The following FAM20C variants were observed in gnomAD, a reference collection of about 807,000 sequenced individuals.
FAM20C encodes extracellular serine/threonine protein kinase FAM20C.
In FAM20C, 40 loss-of-function variants were observed where a neutral mutation model predicts 51.5. The observed-to-expected ratio is 0.78, with a 90% CI of 0.60 to 1.01. FAM20C has a LOEUF of 1.01. Among genes scored for constraint, FAM20C ranks in the 50% least tolerant of loss-of-function variants. The probability of loss-of-function intolerance (pLI) is 0.00; values close to 1 mark genes in which losing one functional copy is unlikely to be tolerated. For synonymous variants in FAM20C, 406 were observed against 380.6 expected (o/e 1.07, Z -0.78); for missense variants, 861 against 844.7 (o/e 1.02, Z -0.24).
At chr7:247,001 T>C (rs1788193178) in intron 4 of FAM20C, among the ~76,000 whole-genome samples, 2 of 151,712 alleles carry the variant, frequency 1.3e-5, no homozygotes, top group South Asian at 2.1e-4. Flanking sequence ...CGGTCGGTAA[T>C]AGAGGAAAAG....
chr7:221,032 C>T (rs1787239354), intron 3 of FAM20C, among the ~76,000 whole-genome samples: 1 of 23,206 alleles, frequency 4.3e-5, no homozygotes, highest in East Asian at 8.0e-4. Flanking sequence ...CATCTGGGCA[C>T]AGGGCGGAGC....
intron 2 of FAM20C, among the ~76,000 whole-genome samples, chr7:206,619 A>ATGGTCCCCTCGGCCCG (rs1562368215): frequency 1.0e-5 from 1 of 99,348 alleles, no homozygotes; most frequent in Non-Finnish European, 2.0e-5. Flanking sequence ...CGCGTCTGTC[A>ATGGTCCCCTCGGCCCG]TGGTCCCCTC....
intron 3 of FAM20C, among the ~76,000 whole-genome samples, chr7:223,794 G>A (rs1170811130): frequency 6.6e-6 from 1 of 152,218 alleles, no homozygotes; most frequent in African/African-American, 2.4e-5. Flanking sequence ...TTTATAGTCA[G>A]AAGAAAAATG....
intron 5 of FAM20C, among the ~76,000 whole-genome samples, chr7:253,328 G>GA (rs1365799335): frequency 6.6e-6 from 1 of 152,212 alleles, no homozygotes; most frequent in Non-Finnish European, 1.5e-5. Flanking sequence ...AATGGTGGGA[G>GA]ACGCTTGAGC....
At chr7:200,853 C>T (rs558191219) in intron 2 of FAM20C, among the ~76,000 whole-genome samples, 40 of 152,268 alleles carry the variant, frequency 2.6e-4, no homozygotes, top group Non-Finnish European at 5.3e-4. Flanking sequence ...GTGCAGGCTC[C>T]CAGCTCTTCC....
intron 3 of FAM20C, among the ~76,000 whole-genome samples, chr7:231,599 A>G (rs1331000459): frequency 6.6e-6 from 1 of 151,730 alleles, no homozygotes; most frequent in African/African-American, 2.4e-5. Flanking sequence ...TGGCCTGGGG[A>G]TGGTGTTCTT....
intron 3 of FAM20C, among the ~76,000 whole-genome samples, chr7:212,755 C>T (rs1027452711): frequency 1.3e-5 from 2 of 152,160 alleles, no homozygotes; most frequent in Admixed American, 1.3e-4. Flanking sequence ...GGTGCTTTTG[C>T]TTTAGGGTTA....
intron 3 of FAM20C, among the ~76,000 whole-genome samples, chr7:243,825 T>C (rs1380971315): frequency 1.3e-5 from 2 of 152,172 alleles, no homozygotes; most frequent in East Asian, 3.9e-4. Context: ...TCCTAGCGGC[T>C]TTATCAGGCA....
chr7:255,241 C>T (rs777875999), intron 5 of FAM20C, among the ~76,000 whole-genome samples: 6 of 152,188 alleles, frequency 3.9e-5, no homozygotes, highest in Admixed American at 3.9e-4. Context: ...CCCGTCCCAG[C>T]CGGCAGCTGC....
chr7:206,596 C>T (rs1316216771), intron 2 of FAM20C, among the ~76,000 whole-genome samples: 1 of 130,624 alleles, frequency 7.7e-6, no homozygotes, highest in Non-Finnish European at 1.7e-5. Flanking sequence ...CACGTGCTCA[C>T]TGTCCACTGT....
intron 2 of FAM20C, among the ~76,000 whole-genome samples, chr7:204,155 C>T (rs1050151727): frequency 2.7e-5 from 4 of 149,426 alleles, no homozygotes; most frequent in African/African-American, 1.0e-4. Context: ...ATGGTTATGG[C>T]GTCTAAGTTT....
At position 192,571 on chromosome 7, in the gene FAM20C, G is replaced by T. The variant is rs1176928703; in HGVS notation, c.-629G>T. Among the ~76,000 whole-genome samples the T allele has an allele frequency of 4.6e-5, 7 of 151,146 alleles. No individual in the cohort carries two copies. The highest frequency in any genetic ancestry group is 1.7e-4 in the African/African-American group (7 of 41,308). On this transcript the variant is annotated 5_prime_UTR_variant, in exon 1 of 10. Transcript: ENST00000313766. ...CTGCCCGCCCGGGACGCGGGGCGCCGAGAGGCTCGGCCAGGCGGGAGCTGC... is the reference window on the plus strand; with the variant it reads ...CTGCCCGCCCGGGACGCGGGGCGCCTAGAGGCTCGGCCAGGCGGGAGCTGC...
chr7:226,779 C>T (rs780531892), intron 3 of FAM20C, among the ~76,000 whole-genome samples: 5 of 152,206 alleles, frequency 3.3e-5, no homozygotes, highest in Non-Finnish European at 5.9e-5. Context: ...GCTGTCTTCT[C>T]CTGCCCTCAC....
At chr7:201,629 A>AG (rs1423242910) in intron 2 of FAM20C, among the ~76,000 whole-genome samples, 2 of 152,220 alleles carry the variant, frequency 1.3e-5, no homozygotes, top group African/African-American at 4.8e-5. Context: ...GGCTTGCCTA[A>AG]GGCCACACCG....
At position 224,188 on chromosome 7, in the gene FAM20C, C is replaced by T. The variant is rs796779703; in HGVS notation, c.863+15212C>T. On this transcript the variant is annotated intron_variant, in intron 3 of 9. Transcript: ENST00000313766. Reference sequence around the variant, plus strand: ...ATTCTCTCACGGAGCAGAACGGCACCGTCACGGGGTCGCACGGCGGCTGTC... The same window carrying T: ...ATTCTCTCACGGAGCAGAACGGCACTGTCACGGGGTCGCACGGCGGCTGTC... Among the ~76,000 whole-genome samples, 1,249 of 134,066 alleles carry T rather than the reference C, an allele frequency of 9.3e-3. 4 individuals carry two copies. Among genetic ancestry groups the T allele is most frequent in the Middle Eastern group, 0.03 (7 of 234 alleles). 88.0% of individuals were successfully genotyped at this position (134,066 alleles called of 152,430 possible).
rs1785636221 is a variant in FAM20C at position 193,018 on chromosome 7, G to C, written c.-182G>C. On this transcript the variant is annotated 5_prime_UTR_variant, in exon 1 of 10. Coordinates refer to ENST00000313766, the MANE Select transcript of FAM20C (RefSeq NM_020223.4). ...GGGGACGGGCCCGAGATGGCGCGGG[G>C]ACCCAGCGCTCCGGCGGCGGGCGCC... 7.2e-6 allele frequency: 2 copies of C among 277,514 alleles called. No individual in the cohort carries two copies. The highest frequency in any genetic ancestry group is 1.2e-5 in the Non-Finnish European group (2 of 164,554). The allele number at this position is 277,514 out of a possible 1,614,324, so 17.2% of individuals were successfully genotyped here.
intron 2 of FAM20C, among the ~76,000 whole-genome samples, chr7:207,829 G>A (rs892832123): frequency 6.6e-6 from 1 of 152,256 alleles, no homozygotes; most frequent in African/African-American, 2.4e-5. Context: ...CCCAGGCCGA[G>A]GCCAGCCCCT....
chr7:257,980 CAGTGTGGACCCACTGCCT>C lies in FAM20C; in HGVS notation c.1446-665_1446-648del. On this transcript the variant is annotated intron_variant, in intron 8 of 9. Coordinates refer to ENST00000313766, the MANE Select transcript of FAM20C (RefSeq NM_020223.4). ...CACTGCCTGAGGTGCTGGAGATAGG[CAGTGTGGACCCACTGCCT>C]GGGGTGCTGGAGATGGGGCTGGGTG... Among the ~76,000 whole-genome samples, 5 of 93,378 alleles carry C rather than the reference CAGTGTGGACCCACTGCCT, an allele frequency of 5.4e-5. 2 individuals are homozygous for C. The highest frequency in any genetic ancestry group is 2.3e-4 in the African/African-American group (5 of 21,988). 61.3% of individuals were successfully genotyped at this position (93,378 alleles called of 152,430 possible).
At chr7:230,198 A>T (rs1490678025) in intron 3 of FAM20C, among the ~76,000 whole-genome samples, 7 of 152,064 alleles carry the variant, frequency 4.6e-5, no homozygotes, top group Non-Finnish European at 8.8e-5. Flanking sequence ...GTGGAGGGAG[A>T]TTAAACGCAG....
Sources: gnomAD v4.1 joint callset for allele counts (sites outside exome capture counted in the v4.1 genomes callset) on GRCh38, gnomAD v4.1.1 for gene constraint, MANE v1.5 for transcripts, NCBI Gene and HGNC (gene_info 2026-07-23, HGNC 2026-07-21) for gene names.